NCALD: variants seen among roughly 807,000 people sequenced by gnomAD.
NCALD encodes neurocalcin-delta.
In NCALD, 10 loss-of-function variants were observed where a neutral mutation model predicts 18.6. The observed-to-expected ratio is 0.54, with a 90% confidence interval of 0.33 to 0.91. NCALD has a LOEUF of 0.91. Ranked by LOEUF, NCALD falls within the 40% of genes least tolerant of loss-of-function variation. The pLI is 0.03. For missense variants in NCALD, 184 were observed against 247.6 expected (o/e 0.74, Z 1.72); for synonymous variants, 88 against 87.4 (o/e 1.01, Z -0.04).
chr8:101,765,055 A>T (rs1811289261), intron 1 of NCALD, among the ~76,000 whole-genome samples: 2 of 152,200 alleles, frequency 1.3e-5, no homozygotes, highest in African/African-American at 4.8e-5. Flanking sequence ...GGAAGCTCCT[A>T]ATCGTATAGA....
chr8:101,862,171 A>T (rs1480974147), intron 4 of NCALD, among the ~76,000 whole-genome samples: 1 of 152,226 alleles, frequency 6.6e-6, no homozygotes, highest in Non-Finnish European at 1.5e-5. Flanking sequence ...ATCAATCCAA[A>T]ACAAAGGATT....
chr8:101,848,593 T>C (rs998797144), intron 4 of NCALD, among the ~76,000 whole-genome samples: 1 of 152,186 alleles, frequency 6.6e-6, no homozygotes, highest in Non-Finnish European at 1.5e-5. Context: ...GAGAGTCACA[T>C]TGAAATGGTC....
chr8:101,749,497 G>A (rs555704107), intron 1 of NCALD, among the ~76,000 whole-genome samples: 1 of 152,326 alleles, frequency 6.6e-6, no homozygotes, highest in South Asian at 2.1e-4. Context: ...AGATCTGGGT[G>A]AGAGCCCTGC....
chr8:101,706,902 G>A (rs903249872), intron 2 of NCALD, among the ~76,000 whole-genome samples: 8 of 151,864 alleles, frequency 5.3e-5, no homozygotes, highest in Non-Finnish European at 1.2e-4. Flanking sequence ...TGATAAGAAA[G>A]GGACAAACCC....
intron 1 of NCALD, among the ~76,000 whole-genome samples, chr8:102,092,152 T>C (rs1303664794): frequency 6.6e-6 from 1 of 152,196 alleles, no homozygotes; most frequent in Non-Finnish European, 1.5e-5. Context: ...AAGATGGTGA[T>C]GACAGTGACC....
At chr8:101,751,810 G>T (rs111487762) in intron 1 of NCALD, among the ~76,000 whole-genome samples, 4,075 of 152,250 alleles carry the variant, frequency 0.027, 178 homozygotes, top group African/African-American at 0.09. Context: ...AAAGGTGGGG[G>T]TCAGCCATGA....
At chr8:101,876,604 G>A (rs974479684) in intron 4 of NCALD, among the ~76,000 whole-genome samples, 6 of 152,100 alleles carry the variant, frequency 3.9e-5, no homozygotes, top group Non-Finnish European at 5.9e-5. Flanking sequence ...TGTACTTAAG[G>A]GAGTGTATCT....
chr8:101,840,106 A>G (rs1462085532), intron 4 of NCALD, among the ~76,000 whole-genome samples: 2 of 148,486 alleles, frequency 1.3e-5, no homozygotes, highest in African/African-American at 5.2e-5. Flanking sequence ...GTCATCCATA[A>G]GCAACAAAAT....
intron 1 of NCALD, among the ~76,000 whole-genome samples, chr8:102,046,016 T>C (rs1408065062): frequency 6.6e-6 from 1 of 152,244 alleles, no homozygotes; most frequent in Admixed American, 6.5e-5. Flanking sequence ...TAATTTAGCA[T>C]GTGATAAAAA....
intron 1 of NCALD, among the ~76,000 whole-genome samples, chr8:102,085,010 C>T (rs13248387): frequency 3.9e-5 from 6 of 152,166 alleles, no homozygotes; most frequent in Admixed American, 3.3e-4. Flanking sequence ...TGCAGGTGTC[C>T]GTATCTTTTG....
chr8:101,975,380 C>G (rs1392086024), intron 2 of NCALD: 1 of 152,184 alleles, frequency 6.6e-6, no homozygotes, highest in African/African-American at 2.4e-5. Flanking sequence ...AGCCCCACCC[C>G]CGGAGATGCT....
intron 1 of NCALD, among the ~76,000 whole-genome samples, chr8:101,771,949 C>T (rs1055663362): frequency 1.3e-5 from 2 of 152,180 alleles, no homozygotes; most frequent in African/African-American, 4.8e-5. Flanking sequence ...ATGTGCCAGA[C>T]AGAATATGAT....
At chr8:101,897,986 G>A (rs1196995027) in intron 3 of NCALD, among the ~76,000 whole-genome samples, 1 of 152,138 alleles carries the variant, frequency 6.6e-6, no homozygotes, top group Non-Finnish European at 1.5e-5. Context: ...AGATCTGATG[G>A]TTTTGTCAGG....
intron 1 of NCALD, among the ~76,000 whole-genome samples, chr8:102,022,930 T>C (rs1485618852): frequency 1.3e-5 from 2 of 152,108 alleles, no homozygotes; most frequent in Non-Finnish European, 2.9e-5. Flanking sequence ...TTTAGAACTC[T>C]CATTCTTTCC....
chr8:101,790,541 A>G (rs1425274187), intron 1 of NCALD, among the ~76,000 whole-genome samples: 3 of 152,240 alleles, frequency 2.0e-5, no homozygotes, highest in Admixed American at 2.0e-4. Context: ...ACCCAAAACA[A>G]TACTGAAGGG....
chr8:101,863,851 T>A (rs1286072859), intron 4 of NCALD, among the ~76,000 whole-genome samples: 1 of 152,092 alleles, frequency 6.6e-6, no homozygotes, highest in African/African-American at 2.4e-5. Flanking sequence ...GGGGAAGACT[T>A]ACTTGGCAAG....
intron 1 of NCALD, among the ~76,000 whole-genome samples, chr8:102,091,202 GA>G (rs1156374901): frequency 6.6e-6 from 1 of 152,132 alleles, no homozygotes; most frequent in Non-Finnish European, 1.5e-5. Flanking sequence ...GAGCTTATGT[GA>G]AAAATAATTA....
At chr8:101,999,662 T>C (rs920387463) in intron 2 of NCALD, among the ~76,000 whole-genome samples, 3 of 151,602 alleles carry the variant, frequency 2.0e-5, no homozygotes, top group Admixed American at 6.6e-5. Context: ...CCAAAACCTA[T>C]TGAAATTCAA....
intron 1 of NCALD, among the ~76,000 whole-genome samples, chr8:102,106,210 C>T (rs141954013): frequency 0.017 from 2,612 of 151,820 alleles, 100 homozygotes; most frequent in African/African-American, 0.06. Context: ...GCTGGAATTA[C>T]AGGTGTGCAC....
Sources: gnomAD v4.1 joint callset for allele counts (sites outside exome capture counted in the v4.1 genomes callset) on GRCh38, gnomAD v4.1.1 for gene constraint, MANE v1.5 for transcripts, NCBI Gene and HGNC (gene_info 2026-07-23, HGNC 2026-07-21) for gene names.